The following FCGRT variants were observed in gnomAD, a reference collection of about 807,000 sequenced individuals.
FCGRT encodes Fc gamma receptor and transporter, also known as IgG receptor FcRn large subunit p51.
FCGRT carries 13 observed loss-of-function variants against 35.7 expected under a neutral mutation model. That is an observed-to-expected ratio of 0.36 (90% CI 0.24 to 0.58). The LOEUF is 0.58. Ranked by LOEUF, FCGRT falls within the 20% of genes least tolerant of loss-of-function variation. The pLI, the probability that FCGRT is intolerant of heterozygous loss-of-function variation, is 0.77. For missense variants in FCGRT, 455 were observed against 474.9 expected (o/e 0.96, Z 0.39); for synonymous variants, 233 against 216.5 (o/e 1.08, Z -0.67).
chr19:49,524,914 C>T (rs1013828238), intron 5 of FCGRT, 138 bp downstream of exon 5: 7 of 869,304 alleles, frequency 8.1e-6, no homozygotes, highest in Middle Eastern at 2.1e-4. Context: ...TCACGCCTGT[C>T]AGTGCCCCCA....
chr19:49,513,167 G>T, intron 1 of FCGRT: 1 of 349,344 alleles, frequency 2.9e-6, no homozygotes, highest in Non-Finnish European at 5.1e-6. Context: ...GGAGCTCGGG[G>T]CCGGGACTCT....
chr19:49,513,775 C>A, intron 2 of FCGRT, 107 bp from the exon 3 acceptor site: 2 of 290,426 alleles, frequency 6.9e-6, no homozygotes, highest in Non-Finnish European at 1.1e-5. Flanking sequence ...CTCTCTGAAT[C>A]TGTCCCCCTC....
At chr19:49,525,923 TGA>T in intron 6 of FCGRT, 85 bp from the exon 7 acceptor site, 1 of 832,886 alleles carries the variant, frequency 1.2e-6, no homozygotes, top group East Asian at 2.4e-5. Flanking sequence ...GAAGAGTGTG[TGA>T]GACACACACA....
intron 2 of FCGRT, 168 bp from the exon 3 acceptor site, chr19:49,513,714 G>GTCTCTCTCTCTCTCTCTCTCTCTCTC (rs139316391): frequency 1.9e-6 from 1 of 524,358 alleles, no homozygotes; most frequent in African/African-American, 2.8e-5. Flanking sequence ...TGGGTCTCTT[G>GTCTCTCTCTCTCTCTCTCTCTCTCTC]TCTCTCTCTC....
At position 49,514,328 on chromosome 19, in the gene FCGRT, G is replaced by T. The variant is rs776785568; in HGVS notation, c.443G>T (p.Gly148Val). The T allele has an allele frequency of 1.2e-6, 2 of 1,613,506 alleles. No homozygotes were observed. The highest frequency in any genetic ancestry group is 1.7e-6 in the Non-Finnish European group (2 of 1,179,908). Reference protein sequence around the residue: ...EEFMNFDLKQGTWGGDWPEAL... With the variant: ...EEFMNFDLKQVTWGGDWPEAL... ...TTCATGAATTTCGACCTCAAGCAGG[G>T]CACCTGGGGTGGGGACTGGCCCGAG... is the stretch of plus-strand genomic sequence containing the variant. Residue 148 changes from glycine to valine, a missense_variant, in exon 4 of 7, where the codon GGC becomes GTC. Around this residue, in one of 3 missense-constraint regions of FCGRT, gnomAD observed 312 missense variants for 296.1 expected, o/e 1.05. Transcript: ENST00000221466.
intron 4 of FCGRT, among the ~76,000 whole-genome samples, chr19:49,517,615 AT>A (rs368010689): frequency 1.8e-3 from 275 of 152,114 alleles, no homozygotes; most frequent in African/African-American, 6.6e-3. Context: ...GGTTTTTTGA[AT>A]TTCACGCACA....
chr19:49,518,843 GT>G (rs1458253349), intron 4 of FCGRT, among the ~76,000 whole-genome samples: 7 of 144,326 alleles, frequency 4.9e-5, no homozygotes, highest in African/African-American at 1.8e-4. Flanking sequence ...CCGTATTTTT[GT>G]TTTTTTCTTT....
rs746958247 is a variant in FCGRT at position 49,522,770 on chromosome 19, CTTTT to C, written c.602-1715_602-1712del. Reference sequence around the variant, plus strand: ...ATGAGAGACATTGGCCTTAAGCTCTCTTTTTTTTTTTTTTTTTTTTTTTTTGAGA... The same window carrying C: ...ATGAGAGACATTGGCCTTAAGCTCTCTTTTTTTTTTTTTTTTTTTTTGAGA... On this transcript the variant is annotated intron_variant, in intron 4 of 6. Coordinates refer to ENST00000221466, the MANE Select transcript of FCGRT (RefSeq NM_001136019.3). 9.8e-3 allele frequency among the ~76,000 whole-genome samples: 652 copies of C among 66,538 alleles called. 3 individuals are homozygous for C. The highest frequency in any genetic ancestry group is 0.027 in the African/African-American group (421 of 15,354). The allele number at this position is 66,538 out of a possible 152,430, so 43.7% of individuals were successfully genotyped here. A position where few individuals can be genotyped will look rare whatever the true frequency, so the allele number is the denominator to read the frequency against.
At chr19:49,514,997 C>CT (rs1176536865) in intron 4 of FCGRT, among the ~76,000 whole-genome samples, 6,311 of 141,370 alleles carry the variant, frequency 0.045, 183 homozygotes, top group Middle Eastern at 0.078. Flanking sequence ...TGGCTCCCCC[C>CT]TTTTTTTTTT....
At position 49,525,518 on chromosome 19, in the gene FCGRT, G is replaced by A. The variant is rs34807374; in HGVS notation, c.933G>A (p.Thr311=). 9.4e-5 allele frequency: 151 copies of A among 1,613,890 alleles called. No individual in the cohort carries two copies. The Middle Eastern group carries it at 1.5e-3, about 16-fold the overall frequency. ...VGIVIGVLLL[T]AAAVGGALLW... is the part of the protein sequence containing the mutation. ...TCGTCATCGGTGTCTTGCTACTCAC[G>A]GCAGCGGCTGTAGGAGGAGCTCTGT... Residue 311 remains threonine, a synonymous_variant, in exon 6 of 7, where the codon ACG becomes ACA. Coordinates refer to ENST00000221466, the MANE Select transcript of FCGRT (RefSeq NM_001136019.3).
At chr19:49,518,475 C>G (rs1408612662) in intron 4 of FCGRT, among the ~76,000 whole-genome samples, 3 of 151,804 alleles carry the variant, frequency 2.0e-5, no homozygotes, top group Admixed American at 6.6e-5. Context: ...AAGTAATTCT[C>G]CCACTTCAGC....
intron 4 of FCGRT, among the ~76,000 whole-genome samples, chr19:49,519,004 G>A (rs974944193): frequency 6.6e-6 from 1 of 150,956 alleles, no homozygotes; most frequent in Admixed American, 6.6e-5. Context: ...CACCACGCCC[G>A]GCTAATTTTT....
chr19:49,516,311 C>T (rs988782870), intron 4 of FCGRT: 29 of 353,718 alleles, frequency 8.2e-5, no homozygotes, highest in Non-Finnish European at 1.2e-4. Flanking sequence ...GGCGCGATCT[C>T]GGCTCACTGC....
At position 49,525,462 on chromosome 19, in the gene FCGRT, C is replaced by T. The variant is rs2080068744; in HGVS notation, c.877C>T (p.Pro293Ser). ...AQPLRVELES[P>S]AKSSVLVVGI... ...ACAGCGTTCTCTGGCTGCAGAATCT[C>T]CAGCCAAGTCCTCCGTGCTCGTGGT... Residue 293 changes from proline (P) to serine (S), a missense_variant, in exon 6 of 7, where the codon CCA becomes TCA. This residue lies in a region of FCGRT where 312 missense variants were observed against 296.1 expected (regional missense o/e 1.05). Transcript: ENST00000221466. 1 of 1,611,410 alleles carries T rather than the reference C, an allele frequency of 6.2e-7. No homozygotes were observed. Among genetic ancestry groups the T allele is most frequent in the African/African-American group, 1.3e-5 (1 of 75,002 alleles).
chr19:49,519,282 T>C (rs76554160), intron 4 of FCGRT, among the ~76,000 whole-genome samples: 1 of 152,068 alleles, frequency 6.6e-6, no homozygotes, highest in East Asian at 1.9e-4. Flanking sequence ...TTTTTTTTTT[T>C]CTATCGTGGA....
chr19:49,513,242 A>G, intron 1 of FCGRT, 145 bp from the exon 2 acceptor site: 1 of 397,354 alleles, frequency 2.5e-6, no homozygotes. Context: ...AAAGTTCTTC[A>G]GGTACGAGGA....
intron 4 of FCGRT, among the ~76,000 whole-genome samples, chr19:49,519,567 CT>C (rs1432250034): frequency 6.6e-6 from 1 of 152,098 alleles, no homozygotes; most frequent in Admixed American, 6.6e-5. Flanking sequence ...CCTTTGCATC[CT>C]GTGATGTTGC....
chr19:49,517,829 A>C (rs1466882431), intron 4 of FCGRT, among the ~76,000 whole-genome samples: 1 of 152,048 alleles, frequency 6.6e-6, no homozygotes, highest in Admixed American at 6.6e-5. Flanking sequence ...AGTAGCTGGG[A>C]TTACAGGTGC....
At position 49,514,294 on chromosome 19, in the gene FCGRT, G is replaced by A; in HGVS notation, c.409G>A (p.Gly137Ser). Residue 137 changes from glycine (G) to serine (S), a missense_variant, in exon 4 of 7, where the codon GGC becomes AGC. Around this residue, in one of 3 missense-constraint regions of FCGRT, gnomAD observed 7 missense variants for 19.9 expected, o/e 0.35. Transcript: ENST00000221466. Reference sequence around the variant, plus strand: ...GCCCACCGCCAAGTTCGCCCTGAACGGCGAGGAGTTCATGAATTTCGACCT... The same window carrying A: ...GCCCACCGCCAAGTTCGCCCTGAACAGCGAGGAGTTCATGAATTTCGACCT... ...SVPTAKFALN[G>S]EEFMNFDLKQ... is the part of the protein sequence containing the mutation. The A allele has an allele frequency of 6.2e-7, 1 of 1,612,632 alleles. No individual in the cohort carries two copies. The highest frequency in any genetic ancestry group is 8.5e-7 in the Non-Finnish European group (1 of 1,179,552).
Sources: allele counts gnomAD v4.1 joint callset (sites outside exome capture counted in the v4.1 genomes callset), GRCh38; gene constraint gnomAD v4.1.1; regional missense constraint gnomAD v4.1.1; transcripts MANE v1.5; gene names NCBI Gene and HGNC (gene_info 2026-07-23, HGNC 2026-07-21).